The following SLC24A2 variants were observed in gnomAD, a reference collection of about 807,000 sequenced individuals.
SLC24A2 encodes the protein sodium/potassium/calcium exchanger 2.
SLC24A2 carries 36 observed loss-of-function variants against 62.0 expected under a neutral mutation model. The observed-to-expected ratio is 0.58, with a 90% confidence interval of 0.44 to 0.77. SLC24A2 has a LOEUF of 0.77. SLC24A2 is among the 30% of genes least tolerant of loss of function. SLC24A2 has a pLI of 0.00. For synonymous variants in SLC24A2, 358 were observed against 294.0 expected (o/e 1.22, Z -2.23); for missense variants, 846 against 817.9 (o/e 1.03, Z -0.42).
chr9:19,941,095 C>A, the SLC24A2 span, among the ~76,000 whole-genome samples: 1 of 152,112 alleles, frequency 6.6e-6, no homozygotes, highest in East Asian at 1.9e-4. Context: ...TGTACACTGG[C>A]TGAGAGGAGG....
At chr9:19,560,848 T>A (rs1400949974) in intron 7 of SLC24A2, among the ~76,000 whole-genome samples, 1 of 151,966 alleles carries the variant, frequency 6.6e-6, no homozygotes. Flanking sequence ...ATCTCTATCT[T>A]TGTTCTTTTA....
rs927516302 is a variant in SLC24A2, at chr9:19,719,438, G to C, written c.930+66499C>G. On this transcript the variant is annotated intron_variant, in intron 2 of 10. Coordinates refer to ENST00000341998, the MANE Select transcript of SLC24A2 (RefSeq NM_020344.4). ...CTGAGTTCTTTACAACACTCTCAGAGAGGAGTTCTGCCTTTAACCATATTG... is the reference window on the plus strand; with the variant it reads ...CTGAGTTCTTTACAACACTCTCAGACAGGAGTTCTGCCTTTAACCATATTG... Among the ~76,000 whole-genome samples, 4 of 152,266 alleles carry C rather than the reference G, an allele frequency of 2.6e-5. No individual in the cohort carries two copies. In the East Asian group the frequency reaches 5.8e-4, roughly 22 times the overall value.
At chr9:19,940,430 T>C in the SLC24A2 span, among the ~76,000 whole-genome samples, 2 of 152,204 alleles carry the variant, frequency 1.3e-5, no homozygotes, top group Admixed American at 6.5e-5. Context: ...CTAGCACCTA[T>C]TTACTCTGTG....
chr9:19,650,043 T>C (rs917340640), intron 2 of SLC24A2, among the ~76,000 whole-genome samples: 23 of 152,304 alleles, frequency 1.5e-4, no homozygotes, highest in African/African-American at 5.5e-4. Flanking sequence ...CACAGCAAAC[T>C]GCTCTAAACC....
chr9:19,991,065 CATATAT>C, the SLC24A2 span, among the ~76,000 whole-genome samples: 2 of 131,484 alleles, frequency 1.5e-5, no homozygotes. Context: ...TACATACATA[CATATAT>C]GAAAAGGAGT....
At chr9:19,635,792 T>C (rs943124834) in intron 2 of SLC24A2, among the ~76,000 whole-genome samples, 14 of 152,238 alleles carry the variant, frequency 9.2e-5, no homozygotes, top group African/African-American at 3.4e-4. Context: ...TTATGAGTAA[T>C]TTTAAAGTAA....
chr9:20,059,828 C>T, the SLC24A2 span, among the ~76,000 whole-genome samples: 5 of 151,632 alleles, frequency 3.3e-5, no homozygotes, highest in South Asian at 4.2e-4. Flanking sequence ...GAAATGGAGA[C>T]GAGAAAAACA....
At chr9:20,122,165 A>G in the SLC24A2 span, among the ~76,000 whole-genome samples, 19 of 152,336 alleles carry the variant, frequency 1.2e-4, no homozygotes, top group Non-Finnish European at 2.4e-4. Context: ...GAATTTCAAG[A>G]CAGTGTTAGC....
rs1250221997 is a variant in SLC24A2 at position 19,513,447 on chromosome 9, C to G, written c.*2706G>C. 2 of 152,050 alleles carry G rather than the reference C, an allele frequency of 1.3e-5. No homozygotes were observed. The highest frequency in any genetic ancestry group is 4.8e-5 in the African/African-American group (2 of 41,376). The allele number at this position is 152,050 out of a possible 1,614,324, so 9.4% of individuals were successfully genotyped here. On this transcript the variant is annotated 3_prime_UTR_variant, in exon 11 of 11. Coordinates refer to ENST00000341998, the MANE Select transcript of SLC24A2 (RefSeq NM_020344.4). ...TGTCCCATCCAGTGAGGGAGCAGTGCTGTTGTAGGTCAGGCTCAGTGCACA... is the reference window on the plus strand; with the variant it reads ...TGTCCCATCCAGTGAGGGAGCAGTGGTGTTGTAGGTCAGGCTCAGTGCACA...
the SLC24A2 span, among the ~76,000 whole-genome samples, chr9:20,102,857 G>A: frequency 6.6e-6 from 1 of 152,144 alleles, no homozygotes; most frequent in African/African-American, 2.4e-5. Context: ...AGGACAGTAG[G>A]TGCAGTGCAC....
chr9:19,694,635 T>C (rs932695465), intron 2 of SLC24A2, among the ~76,000 whole-genome samples: 3 of 152,182 alleles, frequency 2.0e-5, no homozygotes, highest in African/African-American at 7.2e-5. Flanking sequence ...CAATTGCACA[T>C]ATTTTAAAAT....
chr9:20,150,157 G>T, the SLC24A2 span, among the ~76,000 whole-genome samples: 1 of 151,986 alleles, frequency 6.6e-6, no homozygotes, highest in Non-Finnish European at 1.5e-5. Flanking sequence ...AGGTCATATA[G>T]CTTGAACAAG....
At chr9:19,784,396 G>A (rs897141334) in intron 2 of SLC24A2, among the ~76,000 whole-genome samples, 7 of 152,178 alleles carry the variant, frequency 4.6e-5, no homozygotes, top group African/African-American at 1.4e-4. Context: ...AGTTAATGAA[G>A]TTCCACTAGG....
chr9:19,653,637 T>G (rs1818861440), intron 2 of SLC24A2, among the ~76,000 whole-genome samples: 2 of 152,244 alleles, frequency 1.3e-5, no homozygotes, highest in South Asian at 4.1e-4. Flanking sequence ...AATCTTGAGC[T>G]TGGAGTTGAG....
the SLC24A2 span, among the ~76,000 whole-genome samples, chr9:19,889,170 G>C: frequency 6.6e-6 from 1 of 152,084 alleles, no homozygotes; most frequent in Non-Finnish European, 1.5e-5. Flanking sequence ...AAGTTCTCCT[G>C]GGAACATCCC....
chr9:19,566,239 A>C (rs1450863858), intron 7 of SLC24A2, among the ~76,000 whole-genome samples: 3 of 150,222 alleles, frequency 2.0e-5, no homozygotes, highest in Middle Eastern at 3.4e-3. Flanking sequence ...TAATATCCAG[A>C]ATCTACAATG....
chr9:19,583,519 T>G (rs1002299372), intron 5 of SLC24A2, among the ~76,000 whole-genome samples: 5 of 152,216 alleles, frequency 3.3e-5, no homozygotes, highest in African/African-American at 7.2e-5. Flanking sequence ...CACTGGTATA[T>G]CTCCAGTATC....
At chr9:20,000,933 T>C in the SLC24A2 span, among the ~76,000 whole-genome samples, 3 of 152,170 alleles carry the variant, frequency 2.0e-5, no homozygotes, top group Non-Finnish European at 4.4e-5. Context: ...TTATTGCTTT[T>C]TAAGCTTAGA....
At chr9:20,197,295 T>A in the SLC24A2 span, among the ~76,000 whole-genome samples, 1 of 152,168 alleles carries the variant, frequency 6.6e-6, no homozygotes, top group Non-Finnish European at 1.5e-5. Flanking sequence ...ATTCTCACAA[T>A]AGGAAAAGAG....
Sources: gnomAD v4.1 joint callset for allele counts (sites outside exome capture counted in the v4.1 genomes callset) on GRCh38, gnomAD v4.1.1 for gene constraint, MANE v1.5 for transcripts, NCBI Gene and HGNC (gene_info 2026-07-23, HGNC 2026-07-21) for gene names.